Variants in ZNF860 observed in about 807,000 individuals in gnomAD.
The protein encoded by ZNF860 is zinc finger protein 860.
For synonymous variants in ZNF860, 206 were observed against 248.9 expected (o/e 0.83, Z 1.62); for missense variants, 641 against 759.2 (o/e 0.84, Z 1.83).
the ZNF860 span, among the ~76,000 whole-genome samples, chr3:31,997,290 C>T: frequency 2.6e-5 from 4 of 151,212 alleles, no homozygotes; most frequent in Non-Finnish European, 5.9e-5. Context: ...GATGGAGTCT[C>T]GCCCTCACTC....
At position 31,989,805 on chromosome 3, in the gene ZNF860, C is replaced by T. The variant is rs372390432; in HGVS notation, c.726C>T (p.Ser242=). 19 of 1,613,866 alleles carry T rather than the reference C, an allele frequency of 1.2e-5. No individual in the cohort carries two copies. The African/African-American group carries it at 2.4e-4, about 20-fold the overall frequency. The change falls in exon 2 of 2, where the codon AGC becomes AGT. Residue 242 remains serine, a synonymous_variant. Coordinates refer to ENST00000360311, the MANE Select transcript of ZNF860 (RefSeq NM_001137674.3). ...AGAGTGGCAAAGCCTTTAATTGTAG[C>T]TCACTCTTAAGGAAACATCAGATAA... ...CNESGKAFNC[S]SLLRKHQIIY...
the ZNF860 span, among the ~76,000 whole-genome samples, chr3:31,999,028 T>C: frequency 6.6e-6 from 1 of 152,214 alleles, no homozygotes; most frequent in Non-Finnish European, 1.5e-5. Context: ...AGGGACATAA[T>C]TTACAAATTT....
At chr3:31,982,956 G>C (rs1184604060) in intron 1 of ZNF860, among the ~76,000 whole-genome samples, 1 of 152,174 alleles carries the variant, frequency 6.6e-6, no homozygotes, top group Admixed American at 6.6e-5. Flanking sequence ...TAAGCTTTAA[G>C]AGCAGTCATA....
At chr3:32,004,447 T>C in the ZNF860 span, among the ~76,000 whole-genome samples, 1 of 152,196 alleles carries the variant, frequency 6.6e-6, no homozygotes, top group African/African-American at 2.4e-5. Flanking sequence ...AAGACAACTG[T>C]TAAGCACTAG....
rs144693842 is a variant in ZNF860, at chr3:31,984,348, G to GTT, written c.-421+2458_-421+2459dup. On this transcript the variant is annotated intron_variant, in intron 1 of 1. Coordinates refer to ENST00000360311, the MANE Select transcript of ZNF860 (RefSeq NM_001137674.3). Reference sequence around the variant, plus strand: ...AGCCACCGTACCGGGCCCACCTAAGGTTTTTTTTTTTTTAAGGATAGTTTG... The same window carrying GTT: ...AGCCACCGTACCGGGCCCACCTAAGGTTTTTTTTTTTTTTTAAGGATAGTTTG... 5.7e-3 allele frequency among the ~76,000 whole-genome samples: 825 copies of GTT among 145,540 alleles called. 6 individuals carry two copies. Among genetic ancestry groups the GTT allele is most frequent in the Non-Finnish European group, 6.4e-3 (421 of 65,906 alleles).
chr3:31,989,505 T>G lies in ZNF860; in HGVS notation c.426T>G (p.Asp142Glu). 6.2e-7 allele frequency: 1 copy of G among 1,614,192 alleles called. No homozygotes were observed. The highest frequency in any genetic ancestry group is 8.5e-7 in the Non-Finnish European group (1 of 1,180,022). The change falls in exon 2 of 2, where the codon GAT becomes GAG. Residue 142 changes from aspartate to glutamate, a missense_variant. By Grantham distance (45) the Asp-to-Glu change is conservative. Transcript: ENST00000360311. Reference protein sequence around the residue: ...KKLTGSTDRYDRRHPGNKPIK... With the variant: ...KKLTGSTDRYERRHPGNKPIK... ...TGACTGGTAGCACCGACAGATATGA[T>G]CGAAGGCATCCTGGAAACAAGCCTA... is the stretch of plus-strand genomic sequence containing the variant.
chr3:31,988,142 G>T lies in ZNF860; in HGVS notation c.-420-518G>T, dbSNP rs80260466. Among the ~76,000 whole-genome samples, 518 of 152,298 alleles carry T rather than the reference G, an allele frequency of 3.4e-3. 1 individual carries two copies. The highest frequency in any genetic ancestry group is 0.012 in the African/African-American group (487 of 41,560). ...TTGCACCTCCTGTTTCCGCCTCTTTGAACAAGAATATCTGGAGCAATTATC... is the reference window on the plus strand; with the variant it reads ...TTGCACCTCCTGTTTCCGCCTCTTTTAACAAGAATATCTGGAGCAATTATC... On this transcript the variant is annotated intron_variant, in intron 1 of 1. Transcript: ENST00000360311.
intron 1 of ZNF860, among the ~76,000 whole-genome samples, chr3:31,985,862 A>G (rs768120913): frequency 2.6e-5 from 4 of 152,196 alleles, no homozygotes; most frequent in Middle Eastern, 3.4e-3. Flanking sequence ...CCTCACAACA[A>G]CCACATGAGG....
At chr3:31,997,294 C>T in the ZNF860 span, among the ~76,000 whole-genome samples, 137 of 151,648 alleles carry the variant, frequency 9.0e-4, 1 homozygote, top group Non-Finnish European at 1.6e-3. Context: ...GAGTCTCGCC[C>T]TCACTCTGTC....
At chr3:31,997,938 C>T in the ZNF860 span, among the ~76,000 whole-genome samples, 7 of 152,156 alleles carry the variant, frequency 4.6e-5, no homozygotes, top group Non-Finnish European at 1.0e-4. Flanking sequence ...TACAGGTATG[C>T]ACCACCGTGC....
At position 31,990,115 on chromosome 3, in the gene ZNF860, G is replaced by A. The variant is rs1178699485; in HGVS notation, c.1036G>A (p.Val346Ile). 3 of 1,611,668 alleles carry A rather than the reference G, an allele frequency of 1.9e-6. No individual in the cohort carries two copies. Among genetic ancestry groups the A allele is most frequent in the Non-Finnish European group, 8.5e-7 (1 of 1,178,602 alleles). ...TGGAGAGAAACCATACAAATGTAAG[G>A]TTTGTGAAAAGGCTTTCAGGCGTGA... is the stretch of plus-strand genomic sequence containing the variant. ...HTGEKPYKCK[V>I]CEKAFRRDSH... Residue 346 changes from valine to isoleucine, a missense_variant, in exon 2 of 2, where the codon GTT becomes ATT. Val to Ile is a conservative substitution (Grantham distance 29). Coordinates refer to ENST00000360311, the MANE Select transcript of ZNF860 (RefSeq NM_001137674.3).
chr3:32,005,915 G>C, the ZNF860 span, among the ~76,000 whole-genome samples: 1 of 151,512 alleles, frequency 6.6e-6, no homozygotes, highest in Non-Finnish European at 1.5e-5. Flanking sequence ...GTGGTGTCTT[G>C]TTTTACTTTA....
Position 31,988,998 on chromosome 3 carries a change from G to T in ZNF860, c.-82G>T. 1 of 1,544,098 alleles carries T rather than the reference G, an allele frequency of 6.5e-7. No individual in the cohort carries two copies. The highest frequency in any genetic ancestry group is 8.8e-7 in the Non-Finnish European group (1 of 1,135,718). ...CGAAGTTTGTGATAATTTGTTTCTCGGAAACAGATAACTAATACAGAGCAG... is the reference window on the plus strand; with the variant it reads ...CGAAGTTTGTGATAATTTGTTTCTCTGAAACAGATAACTAATACAGAGCAG... On this transcript the variant is annotated 5_prime_UTR_variant, in exon 2 of 2. Transcript: ENST00000360311.
At chr3:31,993,599 C>T (rs1699057972), downstream of ZNF860, among the ~76,000 whole-genome samples, 1 of 152,006 alleles carries the variant, frequency 6.6e-6, no homozygotes, top group African/African-American at 2.4e-5. Context: ...AAGAGATGTT[C>T]AACATTACTA....
At chr3:32,005,535 C>T in the ZNF860 span, among the ~76,000 whole-genome samples, 1 of 152,130 alleles carries the variant, frequency 6.6e-6, no homozygotes, top group African/African-American at 2.4e-5. Flanking sequence ...GCATACTGCT[C>T]TCCAGACACT....
At chr3:32,004,899 C>T in the ZNF860 span, among the ~76,000 whole-genome samples, 1 of 152,090 alleles carries the variant, frequency 6.6e-6, no homozygotes, top group Non-Finnish European at 1.5e-5. Context: ...TGTCATCAGC[C>T]TGTTTTATTT....
At chr3:32,003,642 C>T in the ZNF860 span, among the ~76,000 whole-genome samples, 2 of 152,156 alleles carry the variant, frequency 1.3e-5, no homozygotes, top group Non-Finnish European at 2.9e-5. Context: ...ACAGGATAAT[C>T]CTCTTTCTCG....
intron 1 of ZNF860, among the ~76,000 whole-genome samples, chr3:31,988,125 C>G (rs1353583590): frequency 6.6e-6 from 1 of 152,212 alleles, no homozygotes; most frequent in Non-Finnish European, 1.5e-5. Flanking sequence ...CTTTGCACCT[C>G]CTGTTTCCGC....
rs763615071 is a variant in ZNF860 at position 31,989,178 on chromosome 3, C to A, written c.99C>A (p.Phe33Leu). 3.3e-5 allele frequency: 53 copies of A among 1,614,110 alleles called. No individual in the cohort carries two copies. The highest frequency in any genetic ancestry group is 4.4e-5 in the Non-Finnish European group (52 of 1,180,024). Reference sequence around the variant, plus strand: ...CTTTTAGGGATGTGGCTATAGAATTCTCTTTGGAGGAGTGGAAATGCCTGG... The same window carrying A: ...CTTTTAGGGATGTGGCTATAGAATTATCTTTGGAGGAGTGGAAATGCCTGG... ...HLTFRDVAIE[F>L]SLEEWKCLDP... The change falls in exon 2 of 2, where the codon TTC (phenylalanine) becomes TTA (leucine). Residue 33 changes from phenylalanine (F) to leucine (L), a missense_variant. Phe to Leu is a conservative substitution (Grantham distance 22, BLOSUM62 0). Transcript: ENST00000360311.
Sources: allele counts gnomAD v4.1 joint callset (sites outside exome capture counted in the v4.1 genomes callset), GRCh38; gene constraint gnomAD v4.1.1; transcripts MANE v1.5; gene names NCBI Gene and HGNC (gene_info 2026-07-23, HGNC 2026-07-21).